Variants in ERBB4 observed in about 807,000 individuals in gnomAD.
ERBB4 encodes erb-b2 receptor tyrosine kinase 4.
Under a neutral mutation model 158.0 loss-of-function variants are expected in ERBB4, and 42 were observed. That is an observed-to-expected ratio of 0.27 (90% CI 0.21 to 0.34). ERBB4 has a LOEUF of 0.34. ERBB4 is among the 10% of genes least tolerant of loss of function. The pLI is 1.00. For synonymous variants in ERBB4, 583 were observed against 558.7 expected (o/e 1.04, Z -0.61); for missense variants, 1,333 against 1,624.1 (o/e 0.82, Z 3.08).
intron 2 of ERBB4, among the ~76,000 whole-genome samples, chr2:212,055,340 C>T (rs893413932): frequency 1.1e-4 from 16 of 152,306 alleles, no homozygotes; most frequent in Middle Eastern, 6.8e-3. Flanking sequence ...TGAATGAGGC[C>T]TCCGTGCTTC....
intron 1 of ERBB4, among the ~76,000 whole-genome samples, chr2:212,218,377 C>T (rs1449497060): frequency 6.6e-6 from 1 of 151,256 alleles, no homozygotes; most frequent in African/African-American, 2.4e-5. Flanking sequence ...AAGAGTAAAA[C>T]ATCCTGGCTA....
At chr2:212,494,836 C>T (rs1164621514) in intron 1 of ERBB4, among the ~76,000 whole-genome samples, 1 of 152,016 alleles carries the variant, frequency 6.6e-6, no homozygotes, top group Non-Finnish European at 1.5e-5. Context: ...TTGGCTGTAC[C>T]TTGAGCTATC....
At chr2:211,877,004 C>A (rs1267227285) in intron 3 of ERBB4, among the ~76,000 whole-genome samples, 2 of 152,170 alleles carry the variant, frequency 1.3e-5, no homozygotes, top group African/African-American at 4.8e-5. Flanking sequence ...GAGGCAAAGG[C>A]TCATAACTTG....
intron 2 of ERBB4, among the ~76,000 whole-genome samples, chr2:211,970,940 A>T (rs879659408): frequency 6.6e-6 from 1 of 152,106 alleles, no homozygotes; most frequent in Non-Finnish European, 1.5e-5. Flanking sequence ...GTTATTGTGC[A>T]GACTTGTTTA....
chr2:212,109,753 G>A (rs2079346714), intron 2 of ERBB4, among the ~76,000 whole-genome samples: 1 of 152,174 alleles, frequency 6.6e-6, no homozygotes, highest in Non-Finnish European at 1.5e-5. Context: ...TTAAGCAAGA[G>A]CGTGATCAAA....
chr2:211,899,400 G>A (rs2079177162), intron 3 of ERBB4, among the ~76,000 whole-genome samples: 1 of 151,608 alleles, frequency 6.6e-6, no homozygotes, highest in African/African-American at 2.4e-5. Flanking sequence ...TTTAAATTCG[G>A]GCAATTCATC....
At chr2:212,297,863 A>T (rs555244365) in intron 1 of ERBB4, among the ~76,000 whole-genome samples, 1 of 151,784 alleles carries the variant, frequency 6.6e-6, no homozygotes, top group East Asian at 2.0e-4. Context: ...CTTCCTCAAA[A>T]TACTACATGA....
chr2:211,931,941 T>C (rs189786708), intron 3 of ERBB4, among the ~76,000 whole-genome samples: 2 of 152,202 alleles, frequency 1.3e-5, no homozygotes, highest in East Asian at 1.9e-4. Context: ...TTTGCATACA[T>C]TGTTTGCATT....
intron 1 of ERBB4, among the ~76,000 whole-genome samples, chr2:212,234,599 C>T (rs1227197423): frequency 1.3e-5 from 2 of 152,188 alleles, no homozygotes; most frequent in Non-Finnish European, 2.9e-5. Context: ...CTCCCACCAA[C>T]AGCGTAAAAG....
chr2:212,231,656 T>C (rs1486371517), intron 1 of ERBB4, among the ~76,000 whole-genome samples: 4 of 152,214 alleles, frequency 2.6e-5, no homozygotes, highest in Non-Finnish European at 4.4e-5. Flanking sequence ...TCAGGTCTGA[T>C]AGAAGCATAT....
intron 1 of ERBB4, among the ~76,000 whole-genome samples, chr2:212,364,076 A>G (rs576174798): frequency 3.3e-5 from 5 of 151,886 alleles, no homozygotes; most frequent in Admixed American, 2.0e-4. Flanking sequence ...AATTTACTTC[A>G]AATATAGAAT....
chr2:212,520,437 C>T (rs1028828885), intron 1 of ERBB4, among the ~76,000 whole-genome samples: 3 of 151,874 alleles, frequency 2.0e-5, no homozygotes, highest in African/African-American at 7.2e-5. Context: ...TCAACTACTA[C>T]ATTAAAAGGT....
At chr2:211,936,088 T>C (rs537194335) in intron 3 of ERBB4, among the ~76,000 whole-genome samples, 10 of 152,274 alleles carry the variant, frequency 6.6e-5, no homozygotes, top group African/African-American at 2.2e-4. Context: ...CTTATTTGTA[T>C]ACCAGCAGAT....
chr2:212,151,924 TA>T (rs2080886480), intron 1 of ERBB4, among the ~76,000 whole-genome samples: 1 of 152,174 alleles, frequency 6.6e-6, no homozygotes, highest in African/African-American at 2.4e-5. Context: ...TCACATTTCA[TA>T]AGAATACTAG....
At chr2:211,482,860 G>C (rs113814294) in intron 20 of ERBB4, among the ~76,000 whole-genome samples, 1 of 152,014 alleles carries the variant, frequency 6.6e-6, no homozygotes, top group Admixed American at 6.6e-5. Flanking sequence ...AGCCAAGATC[G>C]CACTATTGCA....
intron 1 of ERBB4, among the ~76,000 whole-genome samples, chr2:212,222,314 T>C (rs376726221): frequency 1.3e-5 from 2 of 151,698 alleles, no homozygotes. Context: ...GCTGTCAATA[T>C]ATTCTGCTTC....
Position 211,550,324 on chromosome 2 carries a change from C to T in ERBB4, c.2487+11579G>A, listed in dbSNP as rs145901773. Among the ~76,000 whole-genome samples the T allele has an allele frequency of 3.2e-3, 481 of 151,940 alleles. 2 individuals carry two copies. The highest frequency in any genetic ancestry group is 0.011 in the African/African-American group (461 of 41,484). On this transcript the variant is annotated intron_variant, in intron 20 of 27. Transcript: ENST00000342788. ...GCTCTTTTCTTCTAACCCAAAGCCC[C>T]TGATAGCCACCACTCTACTCTCTGA...
intron 1 of ERBB4, among the ~76,000 whole-genome samples, chr2:212,271,061 C>A (rs1181827553): frequency 6.6e-6 from 1 of 151,788 alleles, no homozygotes; most frequent in Non-Finnish European, 1.5e-5. Flanking sequence ...ACAATTATCT[C>A]CATATTCTAG....
intron 9 of ERBB4, among the ~76,000 whole-genome samples, chr2:211,705,884 A>G (rs575488357): frequency 7.2e-5 from 11 of 152,128 alleles, no homozygotes; most frequent in Non-Finnish European, 1.6e-4. Context: ...GTAGCTCTAC[A>G]TTTATCTACT....
Sources: gnomAD v4.1 joint callset for allele counts (sites outside exome capture counted in the v4.1 genomes callset) on GRCh38, gnomAD v4.1.1 for gene constraint, MANE v1.5 for transcripts, NCBI Gene and HGNC (gene_info 2026-07-23, HGNC 2026-07-21) for gene names.